The following DLGAP1 variants were observed in gnomAD, a reference collection of about 807,000 sequenced individuals.
DLGAP1 encodes the protein DLG associated protein 1.
Under a neutral mutation model 90.8 loss-of-function variants are expected in DLGAP1, and 11 were observed. The ratio of observed to expected loss-of-function variants is 0.12; its 90% CI spans 0.08 to 0.20. The LOEUF (loss-of-function observed/expected upper bound fraction) is 0.20. DLGAP1 is among the 10% of genes least tolerant of loss of function. DLGAP1 has a pLI of 1.00. For missense variants in DLGAP1, 1,050 were observed against 1,333.8 expected (o/e 0.79, Z 3.31); for synonymous variants, 558 against 540.7 (o/e 1.03, Z -0.44).
intron 1 of DLGAP1, among the ~76,000 whole-genome samples, chr18:4,181,954 A>G (rs980077211): frequency 6.6e-6 from 1 of 152,108 alleles, no homozygotes; most frequent in African/African-American, 2.4e-5. Context: ...AGTGCACTCA[A>G]TTAAAGAGAA....
intron 5 of DLGAP1, among the ~76,000 whole-genome samples, chr18:3,757,834 G>C (rs1009670523): frequency 1.3e-5 from 2 of 152,188 alleles, no homozygotes; most frequent in Non-Finnish European, 2.9e-5. Flanking sequence ...GACTGAGAGA[G>C]GGTGGACGCG....
At chr18:4,453,566 G>A (rs1203042919) in intron 1 of DLGAP1, among the ~76,000 whole-genome samples, 1 of 151,904 alleles carries the variant, frequency 6.6e-6, no homozygotes, top group African/African-American at 2.4e-5. Flanking sequence ...GCTCTTTCAG[G>A]GTAAAAAATA....
At position 4,314,805 on chromosome 18, in the gene DLGAP1, A is replaced by G. The variant is rs549183798; in HGVS notation, c.-267+140201T>C. Among the ~76,000 whole-genome samples, 3 of 152,324 alleles carry G rather than the reference A, an allele frequency of 2.0e-5. No homozygotes were observed. In the East Asian group the frequency reaches 5.8e-4, roughly 29 times the overall value. The stretch of plus-strand genomic sequence containing the variant: ...GTACGTTAGGGCGTGGTGAAGAATA[A>G]AAGAAAAGTCTAATTGGTAGACAGG... On this transcript the variant is annotated intron_variant, in intron 1 of 12. Transcript: ENST00000315677.
intron 1 of DLGAP1, among the ~76,000 whole-genome samples, chr18:4,323,679 G>A (rs150797112): frequency 3.7e-4 from 56 of 151,600 alleles, no homozygotes; most frequent in African/African-American, 1.3e-3. Flanking sequence ...CCACACTTTC[G>A]GACCATGGCA....
At chr18:4,186,755 C>T (rs918151723) in intron 1 of DLGAP1, among the ~76,000 whole-genome samples, 2 of 152,032 alleles carry the variant, frequency 1.3e-5, no homozygotes, top group Non-Finnish European at 2.9e-5. Context: ...CTTGGCTACT[C>T]AGGGTCTTTT....
intron 8 of DLGAP1, among the ~76,000 whole-genome samples, chr18:3,569,613 C>T (rs2054647794): frequency 6.6e-6 from 1 of 151,882 alleles, no homozygotes; most frequent in African/African-American, 2.4e-5. Context: ...TTCATGTTAT[C>T]TTTTTTTCGT....
chr18:4,445,462 C>A (rs574133219), intron 1 of DLGAP1, among the ~76,000 whole-genome samples: 4 of 123,494 alleles, frequency 3.2e-5, no homozygotes, highest in South Asian at 3.0e-4. Flanking sequence ...CCCACCCCAC[C>A]ACAGTCCCCA....
At chr18:3,904,915 T>C (rs993088339) in intron 3 of DLGAP1, among the ~76,000 whole-genome samples, 4 of 152,188 alleles carry the variant, frequency 2.6e-5, no homozygotes, top group Admixed American at 2.6e-4. Flanking sequence ...AGTAGATACA[T>C]TTTCTGGACT....
Position 3,664,183 on chromosome 18 carries a change from T to TACACACACACACAC in DLGAP1, c.1591+64938_1591+64951dup, listed in dbSNP as rs35653599. On this transcript the variant is annotated intron_variant, in intron 7 of 12. Coordinates refer to ENST00000315677, the MANE Select transcript of DLGAP1 (RefSeq NM_004746.4). ...CAGCCTCCATAATTATGGGTCAGTATACACACACACACACACACACACACA... is the reference window on the plus strand; with the variant it reads ...CAGCCTCCATAATTATGGGTCAGTATACACACACACACACACACACACACACACACACACACACA... Among the ~76,000 whole-genome samples, 36 of 135,742 alleles carry TACACACACACACAC rather than the reference T, an allele frequency of 2.7e-4. No homozygotes were observed. The East Asian group carries it at 7.4e-3, about 28-fold the overall frequency. The allele number at this position is 135,742 out of a possible 152,430, so 89.1% of individuals were successfully genotyped here.
At chr18:4,359,644 G>T (rs1421975745) in intron 1 of DLGAP1, among the ~76,000 whole-genome samples, 8 of 152,164 alleles carry the variant, frequency 5.3e-5, no homozygotes, top group Admixed American at 3.9e-4. Flanking sequence ...AGCAATTGGT[G>T]GGGAAAAGAT....
At chr18:3,732,101 C>G (rs1246805297) in intron 6 of DLGAP1, among the ~76,000 whole-genome samples, 2 of 152,200 alleles carry the variant, frequency 1.3e-5, no homozygotes, top group African/African-American at 4.8e-5. Flanking sequence ...ATCTATTGAG[C>G]ATCTAGATTG....
At chr18:4,030,774 T>C (rs2074783371) in intron 2 of DLGAP1, among the ~76,000 whole-genome samples, 1 of 152,064 alleles carries the variant, frequency 6.6e-6, no homozygotes, top group African/African-American at 2.4e-5. Flanking sequence ...TACAAAAAAT[T>C]ACCTGGGTAT....
intron 11 of DLGAP1, among the ~76,000 whole-genome samples, chr18:3,504,615 G>A (rs1032190678): frequency 1.3e-5 from 2 of 151,792 alleles, no homozygotes; most frequent in Non-Finnish European, 2.9e-5. Context: ...TGAACTCCTG[G>A]CCACAAGATC....
chr18:3,998,558 T>C (rs2074115979), intron 3 of DLGAP1, among the ~76,000 whole-genome samples: 1 of 152,156 alleles, frequency 6.6e-6, no homozygotes, highest in South Asian at 2.1e-4. Context: ...ACATTATCTG[T>C]GTGTGAAGGG....
At chr18:3,714,682 G>GTCATGCAA (rs1337496040) in intron 7 of DLGAP1, among the ~76,000 whole-genome samples, 5 of 123,654 alleles carry the variant, frequency 4.0e-5, no homozygotes, top group Non-Finnish European at 7.9e-5. Flanking sequence ...GTCTCGCTCT[G>GTCATGCAA]TCATGCAATG....
intron 7 of DLGAP1, among the ~76,000 whole-genome samples, chr18:3,712,561 C>T (rs1373785411): frequency 2.0e-5 from 3 of 152,208 alleles, no homozygotes; most frequent in Non-Finnish European, 4.4e-5. Flanking sequence ...GTGTTATTTT[C>T]TCCAAGTAGC....
intron 1 of DLGAP1, among the ~76,000 whole-genome samples, chr18:4,358,467 T>TGC (rs1455139905): frequency 1.3e-5 from 2 of 152,228 alleles, no homozygotes; most frequent in Non-Finnish European, 2.9e-5. Context: ...CCAGTGTGTG[T>TGC]GCCGCTTAGG....
chr18:3,827,920 T>C (rs1157387690), intron 4 of DLGAP1, among the ~76,000 whole-genome samples: 2 of 152,204 alleles, frequency 1.3e-5, no homozygotes, highest in Non-Finnish European at 2.9e-5. Context: ...GAGACACTGT[T>C]ATTCATCTTC....
chr18:4,440,447 A>G lies in DLGAP1; in HGVS notation c.-267+14559T>C, dbSNP rs113114437. 1.9e-4 allele frequency among the ~76,000 whole-genome samples: 29 copies of G among 152,318 alleles called. 1 individual carries two copies. Among genetic ancestry groups the G allele is most frequent in the African/African-American group, 6.7e-4 (28 of 41,572 alleles). On this transcript the variant is annotated intron_variant, in intron 1 of 12. Coordinates refer to ENST00000315677, the MANE Select transcript of DLGAP1 (RefSeq NM_004746.4). ...TTTAACAGTGGTTAAACCTTTGGCC[A>G]TCTATTTCCTATCTTTGACTAATTA...
Sources: gnomAD v4.1 joint callset for allele counts (sites outside exome capture counted in the v4.1 genomes callset) on GRCh38, gnomAD v4.1.1 for gene constraint, MANE v1.5 for transcripts, NCBI Gene and HGNC (gene_info 2026-07-23, HGNC 2026-07-21) for gene names.